Variants in ERP44 observed in about 807,000 individuals in gnomAD.
The protein encoded by ERP44 is endoplasmic reticulum resident protein 44.
Under a neutral mutation model 53.4 loss-of-function variants are expected in ERP44, and 25 were observed. That is an observed-to-expected ratio of 0.47 (90% CI 0.34 to 0.65). The LOEUF is 0.65. ERP44 is among the 30% of genes least tolerant of loss of function. ERP44 has a pLI of 0.01. For synonymous variants in ERP44, 145 were observed against 161.2 expected (o/e 0.90, Z 0.76); for missense variants, 338 against 493.2 (o/e 0.69, Z 2.98).
At chr9:100,032,188 C>G (rs976182391) in intron 4 of ERP44, among the ~76,000 whole-genome samples, 3 of 152,104 alleles carry the variant, frequency 2.0e-5, no homozygotes, top group African/African-American at 7.2e-5. Context: ...TGCATTCCAG[C>G]TATGCCCGCT....
chr9:100,007,994 A>G (rs1429698218), intron 8 of ERP44, among the ~76,000 whole-genome samples: 1 of 152,206 alleles, frequency 6.6e-6, no homozygotes, highest in Non-Finnish European at 1.5e-5. Context: ...AGGCTGTTGA[A>G]TTCATGACAT....
chr9:100,074,887 C>T (rs537156724), intron 1 of ERP44, among the ~76,000 whole-genome samples: 59 of 152,296 alleles, frequency 3.9e-4, no homozygotes, highest in Non-Finnish European at 7.1e-4. Context: ...TCCCCGGACT[C>T]ATCCTGTGGT....
chr9:100,007,804 C>CG, intron 8 of ERP44, 115 bp from the exon 9 acceptor site: 2 of 677,214 alleles, frequency 3.0e-6, no homozygotes, highest in South Asian at 1.6e-5. Flanking sequence ...TGCAATATCC[C>CG]GGGGGAAAAA....
intron 10 of ERP44, among the ~76,000 whole-genome samples, chr9:99,988,837 G>A (rs1248955842): frequency 2.6e-5 from 4 of 152,298 alleles, no homozygotes; most frequent in East Asian, 1.9e-4. Flanking sequence ...CAAATACTGC[G>A]CTTTTCCAAT....
At position 99,979,766 on chromosome 9, in the gene ERP44, A is replaced by G; in HGVS notation, c.*2846T>C. The G allele has an allele frequency of 2.6e-6, 1 of 391,208 alleles. No individual in the cohort carries two copies. The highest frequency in any genetic ancestry group is 4.5e-6 in the Non-Finnish European group (1 of 221,796). The allele number at this position is 391,208 out of a possible 1,614,324, so 24.2% of individuals were successfully genotyped here. A position where few individuals can be genotyped will look rare whatever the true frequency, so the allele number is the denominator to read the frequency against. On this transcript the variant is annotated 3_prime_UTR_variant, in exon 12 of 12. Coordinates refer to ENST00000262455, the MANE Select transcript of ERP44 (RefSeq NM_015051.3). ...CCGAGTAGATCAGATAAACCGGGGA[A>G]GACTTCTACCTGAAATGGTCTGATT... is the stretch of plus-strand genomic sequence containing the variant.
At chr9:100,049,272 T>C (rs1170900257) in intron 4 of ERP44, among the ~76,000 whole-genome samples, 1 of 152,046 alleles carries the variant, frequency 6.6e-6, no homozygotes, top group Non-Finnish European at 1.5e-5. Flanking sequence ...TAGCTGGGTG[T>C]GGTGGCACAT....
intron 10 of ERP44, among the ~76,000 whole-genome samples, chr9:99,995,163 T>C (rs1406542062): frequency 6.6e-6 from 1 of 152,248 alleles, no homozygotes; most frequent in Non-Finnish European, 1.5e-5. Context: ...TTCATTGTCT[T>C]TGTATAGAAA....
intron 6 of ERP44, among the ~76,000 whole-genome samples, chr9:100,019,178 T>C (rs1184404939): frequency 6.6e-6 from 1 of 152,176 alleles, no homozygotes; most frequent in Non-Finnish European, 1.5e-5. Flanking sequence ...AGGCAAGGAC[T>C]TTCTGATGAG....
At chr9:99,990,736 C>T (rs1428011109) in intron 10 of ERP44, among the ~76,000 whole-genome samples, 1 of 152,140 alleles carries the variant, frequency 6.6e-6, no homozygotes, top group Non-Finnish European at 1.5e-5. Context: ...GATAAAGAGT[C>T]AAGACCCAAC....
At chr9:100,092,971 A>T (rs1826577963) in intron 1 of ERP44, among the ~76,000 whole-genome samples, 1 of 152,200 alleles carries the variant, frequency 6.6e-6, no homozygotes, top group Non-Finnish European at 1.5e-5. Context: ...GACACACCAT[A>T]TAACCCAAAA....
intron 4 of ERP44, among the ~76,000 whole-genome samples, chr9:100,045,186 G>T (rs562692256): frequency 6.6e-6 from 1 of 152,160 alleles, no homozygotes; most frequent in South Asian, 2.1e-4. Flanking sequence ...CACATCTACT[G>T]CTACTTCCAT....
chr9:99,985,118 C>T (rs1454144595), intron 10 of ERP44, 49 bp from the exon 11 acceptor site: 2 of 1,276,812 alleles, frequency 1.6e-6, no homozygotes, highest in Admixed American at 3.6e-5. Context: ...GGACTTATCT[C>T]TATTTTACCA....
intron 5 of ERP44, among the ~76,000 whole-genome samples, chr9:100,021,156 T>C (rs975593773): frequency 3.3e-5 from 5 of 152,180 alleles, no homozygotes; most frequent in African/African-American, 1.2e-4. Context: ...TGACTATCCT[T>C]TATCCAGGCC....
chr9:99,979,805 G>A lies in ERP44; in HGVS notation c.*2807C>T, dbSNP rs995599357. On this transcript the variant is annotated 3_prime_UTR_variant, in exon 12 of 12. Transcript: ENST00000262455. ...AATGGTCTGATTCACGGTTCAGAGG[G>A]GGAACAAGTCTAAATTTGAGACGTG... 7 of 357,108 alleles carry A rather than the reference G, an allele frequency of 2.0e-5. No individual in the cohort carries two copies. The Admixed American group carries it at 2.9e-4, about 15-fold the overall frequency. 22.1% of individuals were successfully genotyped at this position (357,108 alleles called of 1,614,324 possible). A position where few individuals can be genotyped will look rare whatever the true frequency, so the allele number is the denominator to read the frequency against.
chr9:100,062,230 T>G (rs1001659208), intron 1 of ERP44, among the ~76,000 whole-genome samples: 4 of 152,252 alleles, frequency 2.6e-5, no homozygotes, highest in Admixed American at 2.6e-4. Context: ...TTGTAATTTC[T>G]GAAGGCTCCC....
At chr9:99,991,917 A>G (rs1830260882) in intron 10 of ERP44, among the ~76,000 whole-genome samples, 1 of 152,252 alleles carries the variant, frequency 6.6e-6, no homozygotes, top group Non-Finnish European at 1.5e-5. Flanking sequence ...GAAAATCTAG[A>G]AGAAATGGAT....
At chr9:100,061,006 G>A (rs1826140295) in intron 1 of ERP44, among the ~76,000 whole-genome samples, 1 of 152,138 alleles carries the variant, frequency 6.6e-6, no homozygotes, top group African/African-American at 2.4e-5. Context: ...AAGTGCTGAA[G>A]ACTATTCCTT....
intron 4 of ERP44, among the ~76,000 whole-genome samples, chr9:100,023,589 T>G (rs2118658955): frequency 6.6e-6 from 1 of 151,882 alleles, no homozygotes; most frequent in East Asian, 1.9e-4. Flanking sequence ...CCACCATGCC[T>G]GGCTAATCTT....
At chr9:100,031,275 G>A (rs1825785001) in intron 4 of ERP44, among the ~76,000 whole-genome samples, 1 of 152,156 alleles carries the variant, frequency 6.6e-6, no homozygotes, top group African/African-American at 2.4e-5. Flanking sequence ...AGTACTTTCT[G>A]TTGGTCTCTG....
Sources: gnomAD v4.1 joint callset for allele counts (sites outside exome capture counted in the v4.1 genomes callset) on GRCh38, gnomAD v4.1.1 for gene constraint, MANE v1.5 for transcripts, NCBI Gene and HGNC (gene_info 2026-07-23, HGNC 2026-07-21) for gene names.